The following GALC variants were observed in gnomAD, a reference collection of about 807,000 sequenced individuals.
The protein encoded by GALC is galactocerebrosidase.
GALC carries 77 observed loss-of-function variants against 91.8 expected under a neutral mutation model. The observed-to-expected ratio is 0.84, with a 90% confidence interval of 0.70 to 1.01. GALC has a LOEUF of 1.01. Ranked by LOEUF, GALC falls within the 50% of genes least tolerant of loss-of-function variation. The pLI, the probability that GALC is intolerant of heterozygous loss-of-function variation, is 0.00. For synonymous variants in GALC, 357 were observed against 306.7 expected (o/e 1.16, Z -1.71); for missense variants, 882 against 855.9 (o/e 1.03, Z -0.38).
At chr14:87,951,192 T>C (rs2139964948) in intron 10 of GALC, among the ~76,000 whole-genome samples, 1 of 151,932 alleles carries the variant, frequency 6.6e-6, no homozygotes, top group Middle Eastern at 3.4e-3. Flanking sequence ...TATATATAGA[T>C]ATCAAATACA....
chr14:87,969,383 C>T (rs867086736), intron 7 of GALC, among the ~76,000 whole-genome samples: 2 of 152,050 alleles, frequency 1.3e-5, no homozygotes, highest in Non-Finnish European at 2.9e-5. Context: ...CTCTATCATT[C>T]GATGGGAGGG....
At chr14:87,990,184 G>A (rs1887140342) in intron 1 of GALC, among the ~76,000 whole-genome samples, 2 of 152,216 alleles carry the variant, frequency 1.3e-5, no homozygotes, top group African/African-American at 4.8e-5. Context: ...GTTCCTTAAG[G>A]ACATGGACTG....
In GALC at chr14:87,933,898, C is replaced by G; in HGVS notation, c.*834G>C. 1.7e-6 allele frequency: 2 copies of G among 1,146,920 alleles called. No individual in the cohort carries two copies. Among genetic ancestry groups the G allele is most frequent in the Middle Eastern group, 1.9e-4 (1 of 5,238 alleles). The allele number at this position is 1,146,920 out of a possible 1,614,324, so 71.0% of individuals were successfully genotyped here. On this transcript the variant is annotated 3_prime_UTR_variant, in exon 17 of 17. Transcript: ENST00000261304. ...ATTCATCAGCTGTGTGAGTCTGTTACCAGTGCACATGTGAGGACAGACCAC... is the reference window on the plus strand; with the variant it reads ...ATTCATCAGCTGTGTGAGTCTGTTAGCAGTGCACATGTGAGGACAGACCAC...
Position 87,934,473 on chromosome 14 carries a change from G to T in GALC, c.*259C>A. 1 of 1,370,148 alleles carries T rather than the reference G, an allele frequency of 7.3e-7. No homozygotes were observed. Among genetic ancestry groups the T allele is most frequent in the East Asian group, 3.0e-5 (1 of 33,502 alleles). The allele number at this position is 1,370,148 out of a possible 1,614,324, so 84.9% of individuals were successfully genotyped here. On this transcript the variant is annotated 3_prime_UTR_variant, in exon 17 of 17. Transcript: ENST00000261304. ...TCTGTACTACTCAAACCACTCCTAA[G>T]GGTATGGCCAATGCACAGTTTGAAT...
chr14:87,978,505 A>G (rs1886601738), intron 6 of GALC, among the ~76,000 whole-genome samples: 1 of 152,258 alleles, frequency 6.6e-6, no homozygotes, highest in Non-Finnish European at 1.5e-5. Context: ...AAAATTTACA[A>G]GTCTACATGC....
intron 13 of GALC, 52 bp from the exon 14 acceptor site, chr14:87,945,785 C>G (rs1451173864): frequency 3.0e-6 from 4 of 1,331,132 alleles, no homozygotes; most frequent in Non-Finnish European, 4.3e-6. Flanking sequence ...TTCAGAAGCT[C>G]TCCTTGCTGA....
chr14:87,957,520 T>G (rs1024595703), intron 10 of GALC, among the ~76,000 whole-genome samples: 5 of 152,292 alleles, frequency 3.3e-5, no homozygotes, highest in Non-Finnish European at 5.9e-5. Flanking sequence ...TAGGATGTCC[T>G]TTCCCCAAAT....
intron 6 of GALC, among the ~76,000 whole-genome samples, chr14:87,980,125 G>A (rs1317022833): frequency 6.6e-6 from 1 of 152,164 alleles, no homozygotes; most frequent in Non-Finnish European, 1.5e-5. Context: ...GCTCATGCCT[G>A]TAATCCCAGC....
intron 16 of GALC, among the ~76,000 whole-genome samples, chr14:87,938,330 T>TA (rs1348155843): frequency 3.3e-5 from 5 of 151,916 alleles, no homozygotes; most frequent in Admixed American, 2.0e-4. Flanking sequence ...AGAAAGGAGT[T>TA]AGAGAGTGAG....
At chr14:87,980,961 T>A (rs1000854461) in intron 6 of GALC, among the ~76,000 whole-genome samples, 3 of 152,232 alleles carry the variant, frequency 2.0e-5, no homozygotes, top group African/African-American at 7.2e-5. Context: ...TAAACACGCA[T>A]GTGCAAGTAT....
At position 87,936,921 on chromosome 14, in the gene GALC, T is replaced by TATATATATATATATATATATATATA. The variant is rs1176265523; in HGVS notation, c.1912-2044_1912-2043insTATATATATATATATATATATATAT. 2.8e-4 allele frequency among the ~76,000 whole-genome samples: 39 copies of TATATATATATATATATATATATATA among 141,140 alleles called. 2 individuals are homozygous for TATATATATATATATATATATATATA. Among genetic ancestry groups the TATATATATATATATATATATATATA allele is most frequent in the African/African-American group, 8.5e-4 (32 of 37,446 alleles). The allele number at this position is 141,140 out of a possible 152,430, so 92.6% of individuals were successfully genotyped here. Reference sequence around the variant, plus strand: ...CTATATATATATATATATTTATTTATTTTCTCATTGAATCTTCATAAGAAA... The same window carrying TATATATATATATATATATATATATA: ...CTATATATATATATATATTTATTTATATATATATATATATATATATATATATTTCTCATTGAATCTTCATAAGAAA... On this transcript the variant is annotated intron_variant, in intron 16 of 16. Coordinates refer to ENST00000261304, the MANE Select transcript of GALC (RefSeq NM_000153.4).
At chr14:87,963,886 A>C (rs1885916990) in intron 9 of GALC, among the ~76,000 whole-genome samples, 1 of 152,162 alleles carries the variant, frequency 6.6e-6, no homozygotes, top group Non-Finnish European at 1.5e-5. Context: ...TCAGAAACTA[A>C]CTTTATGGTT....
chr14:87,956,096 C>A (rs1484669154), intron 10 of GALC, among the ~76,000 whole-genome samples: 2 of 151,926 alleles, frequency 1.3e-5, no homozygotes, highest in Non-Finnish European at 2.9e-5. Flanking sequence ...CAATTTAAGT[C>A]CCCAGGGCAT....
Position 87,950,817 on chromosome 14 carries a change from C to T in GALC, c.1162-69G>A, listed in dbSNP as rs431748. 938,540 of 948,572 alleles carry T rather than the reference C, an allele frequency of 0.99. 464,896 individuals are homozygous for T. Among genetic ancestry groups the T allele is most frequent in the East Asian group, 1 (39,977 of 39,978 alleles). The allele number at this position is 948,572 out of a possible 1,614,324, so 58.8% of individuals were successfully genotyped here. Reference sequence around the variant, plus strand: ...CTACCTTAGGGGAAAAAAAGTTCAACAGTTAATGCCCAAGATTAACAGAAA... The same window carrying T: ...CTACCTTAGGGGAAAAAAAGTTCAATAGTTAATGCCCAAGATTAACAGAAA... On this transcript the variant is annotated intron_variant, in intron 10 of 16. Transcript: ENST00000261304.
At chr14:87,954,781 T>C in intron 10 of GALC, 7 of 1,592,244 alleles carry the variant, frequency 4.4e-6, no homozygotes, top group Admixed American at 1.7e-5. Flanking sequence ...CAACATCATA[T>C]ATACTGGCTG....
At chr14:87,963,920 A>C (rs1218094487) in intron 9 of GALC, among the ~76,000 whole-genome samples, 1 of 152,176 alleles carries the variant, frequency 6.6e-6, no homozygotes, top group Non-Finnish European at 1.5e-5. Context: ...TTTCCACCAC[A>C]TGTACATTTA....
At chr14:87,943,782 T>C in intron 14 of GALC, among the ~76,000 whole-genome samples, 1 of 151,982 alleles carries the variant, frequency 6.6e-6, no homozygotes, top group East Asian at 1.9e-4. Flanking sequence ...ACAACAGAAA[T>C]GAACAAGGGA....
intron 1 of GALC, among the ~76,000 whole-genome samples, chr14:87,991,571 C>A (rs1406817992): frequency 1.3e-5 from 2 of 152,206 alleles, no homozygotes; most frequent in Admixed American, 1.3e-4. Context: ...TGACAGCACT[C>A]TAAACACTTA....
chr14:87,965,314 G>T (rs989886983), intron 9 of GALC, among the ~76,000 whole-genome samples, 191 bp downstream of exon 9: 5 of 151,926 alleles, frequency 3.3e-5, no homozygotes, highest in Non-Finnish European at 7.4e-5. Context: ...TAAAAGCCTG[G>T]TCTTAGAATA....
Sources: gnomAD v4.1 joint callset for allele counts (sites outside exome capture counted in the v4.1 genomes callset) on GRCh38, gnomAD v4.1.1 for gene constraint, MANE v1.5 for transcripts, NCBI Gene and HGNC (gene_info 2026-07-23, HGNC 2026-07-21) for gene names.